PTPRD: variants seen among roughly 807,000 people sequenced by gnomAD.
PTPRD encodes the protein protein tyrosine phosphatase receptor type D.
In PTPRD, 34 loss-of-function variants were observed where a neutral mutation model predicts 214.5. The observed-to-expected ratio is 0.16, with a 90% CI of 0.12 to 0.21. The LOEUF (loss-of-function observed/expected upper bound fraction) is 0.21. PTPRD is among the 10% of genes least tolerant of loss of function. The pLI is 1.00. For synonymous variants in PTPRD, 1,128 were observed against 845.7 expected, an observed-to-expected ratio of 1.33 and a Z score of -5.79; for missense variants, 2,545 against 2,398.7, an observed-to-expected ratio of 1.06 and a Z score of -1.27.
chr9:9,262,676 T>C (rs1295602353), intron 9 of PTPRD, among the ~76,000 whole-genome samples: 1 of 151,684 alleles, frequency 6.6e-6, no homozygotes, highest in Non-Finnish European at 1.5e-5. Flanking sequence ...AGAGCTAGGA[T>C]ATATACAGAA....
intron 3 of PTPRD, among the ~76,000 whole-genome samples, chr9:10,107,038 T>C (rs1233805644): frequency 6.6e-6 from 1 of 151,916 alleles, no homozygotes; most frequent in Non-Finnish European, 1.5e-5. Context: ...CACTATGGGC[T>C]TGAGCCTGGG....
At chr9:9,254,387 A>C (rs992929971) in intron 9 of PTPRD, among the ~76,000 whole-genome samples, 10 of 152,068 alleles carry the variant, frequency 6.6e-5, no homozygotes, top group Admixed American at 3.3e-4. Flanking sequence ...TGCTTTTAGA[A>C]GTAAATTTAT....
chr9:8,614,027 T>C (rs2095533556), intron 14 of PTPRD, among the ~76,000 whole-genome samples: 1 of 152,040 alleles, frequency 6.6e-6, no homozygotes, highest in African/African-American at 2.4e-5. Flanking sequence ...AGTGAGAATA[T>C]GAGTTTCTCT....
At chr9:8,603,969 C>A (rs533322988) in intron 14 of PTPRD, among the ~76,000 whole-genome samples, 1 of 152,284 alleles carries the variant, frequency 6.6e-6, no homozygotes, top group African/African-American at 2.4e-5. Flanking sequence ...GTTTCTCCTA[C>A]CTGTCCTGGA....
intron 8 of PTPRD, among the ~76,000 whole-genome samples, chr9:9,443,434 T>C (rs755622391): frequency 5.3e-5 from 8 of 152,218 alleles, no homozygotes; most frequent in Non-Finnish European, 1.0e-4. Context: ...ATATAAAGTC[T>C]GTTTTTGGTC....
intron 7 of PTPRD, among the ~76,000 whole-genome samples, chr9:9,672,664 A>G (rs2096853707): frequency 6.6e-6 from 1 of 152,050 alleles, no homozygotes; most frequent in Non-Finnish European, 1.5e-5. Context: ...TGATCCATCT[A>G]TTTATCATCA....
intron 23 of PTPRD, among the ~76,000 whole-genome samples, chr9:8,503,380 C>A (rs2097459476): frequency 6.6e-6 from 1 of 151,956 alleles, no homozygotes; most frequent in Non-Finnish European, 1.5e-5. Context: ...AAAGTAAAGA[C>A]AAAATATCAC....
intron 23 of PTPRD, among the ~76,000 whole-genome samples, chr9:8,503,787 G>A (rs1233739139): frequency 6.6e-6 from 1 of 152,180 alleles, no homozygotes; most frequent in South Asian, 2.1e-4. Flanking sequence ...TCAGAGCTGA[G>A]CTTTTCTTAG....
At chr9:9,561,155 A>C (rs1217335121) in intron 8 of PTPRD, among the ~76,000 whole-genome samples, 2 of 152,202 alleles carry the variant, frequency 1.3e-5, no homozygotes, top group Non-Finnish European at 2.9e-5. Flanking sequence ...CATGGTTGTG[A>C]TAACAAGCGG....
intron 7 of PTPRD, among the ~76,000 whole-genome samples, chr9:9,619,959 C>G (rs1393687830): frequency 6.6e-6 from 1 of 150,742 alleles, no homozygotes. Flanking sequence ...ATAGAAATAT[C>G]TCCACATATA....
At chr9:8,568,033 C>T (rs1303563853) in intron 14 of PTPRD, among the ~76,000 whole-genome samples, 1 of 151,998 alleles carries the variant, frequency 6.6e-6, no homozygotes, top group African/African-American at 2.4e-5. Context: ...AATGGATTCT[C>T]CTAGTATGTA....
intron 4 of PTPRD, among the ~76,000 whole-genome samples, chr9:10,004,640 GCA>G (rs143285970): frequency 2.0e-5 from 3 of 150,452 alleles, no homozygotes; most frequent in Non-Finnish European, 4.4e-5. Context: ...CACACACACC[GCA>G]CACACACACA....
intron 6 of PTPRD, among the ~76,000 whole-genome samples, chr9:9,754,778 G>C (rs2098553114): frequency 6.6e-6 from 1 of 152,020 alleles, no homozygotes; most frequent in African/African-American, 2.4e-5. Context: ...TCTGCATTTA[G>C]CATGTGAGGA....
chr9:9,332,803 C>A (rs530156088), intron 9 of PTPRD, among the ~76,000 whole-genome samples: 2 of 151,804 alleles, frequency 1.3e-5, no homozygotes, highest in South Asian at 4.1e-4. Context: ...TAAACGCAAA[C>A]TGCTGTAAGT....
chr9:10,532,996 T>C (rs1184595360), intron 2 of PTPRD, among the ~76,000 whole-genome samples: 1 of 151,954 alleles, frequency 6.6e-6, no homozygotes, highest in Non-Finnish European at 1.5e-5. Context: ...ATCATAAGAG[T>C]AGCTCCTTCA....
At chr9:10,307,214 A>C (rs535898965) in intron 3 of PTPRD, among the ~76,000 whole-genome samples, 1 of 145,302 alleles carries the variant, frequency 6.9e-6, no homozygotes, top group East Asian at 2.1e-4. Context: ...ACCTGTTTTC[A>C]TCCACCACCA....
intron 11 of PTPRD, among the ~76,000 whole-genome samples, chr9:8,971,855 G>A (rs2099240514): frequency 1.3e-5 from 2 of 151,500 alleles, no homozygotes; most frequent in African/African-American, 4.8e-5. Flanking sequence ...AGAAGAATAA[G>A]CCATTTCTAA....
At chr9:8,448,007 T>G (rs889227357) in intron 34 of PTPRD, among the ~76,000 whole-genome samples, 1 of 152,126 alleles carries the variant, frequency 6.6e-6, no homozygotes, top group African/African-American at 2.4e-5. Context: ...GAAAGGAATA[T>G]AAATTCCTGG....
chr9:10,015,134 G>A (rs1025724851), intron 4 of PTPRD, among the ~76,000 whole-genome samples: 10 of 152,058 alleles, frequency 6.6e-5, no homozygotes, highest in Admixed American at 5.2e-4. Flanking sequence ...ATGGCTTTCA[G>A]TTTCAATTGG....
Sources: allele counts gnomAD v4.1 joint callset (sites outside exome capture counted in the v4.1 genomes callset), GRCh38; gene constraint gnomAD v4.1.1; transcripts MANE v1.5; gene names NCBI Gene and HGNC (gene_info 2026-07-23, HGNC 2026-07-21).